EDDM13: variants seen among roughly 807,000 people sequenced by gnomAD.
EDDM13 encodes epididymal protein 13.
In EDDM13, 24 loss-of-function variants were observed where a neutral mutation model predicts 17.8. The ratio of observed to expected loss-of-function variants is 1.35; its 90% confidence interval spans 0.98 to 1.90. EDDM13 has a LOEUF of 1.90. EDDM13 is among the 40% of genes most tolerant of loss of function. The pLI, the probability that EDDM13 is intolerant of heterozygous loss-of-function variation, is 0.00. For synonymous variants in EDDM13, 31 were observed against 37.5 expected (o/e 0.83, Z 0.63); for missense variants, 97 against 100.8 (o/e 0.96, Z 0.16).
chr19:56,279,305 T>G (rs1296147821), intron 2 of EDDM13, among the ~76,000 whole-genome samples: 2 of 152,150 alleles, frequency 1.3e-5, no homozygotes, highest in Non-Finnish European at 2.9e-5. Context: ...CCTACTAGAC[T>G]GCAAGACTGT....
intron 14 of EDDM13, 101 bp downstream of exon 14, chr19:56,304,931 T>G: frequency 3.0e-6 from 1 of 330,882 alleles, no homozygotes; most frequent in East Asian, 1.7e-4. Context: ...CACAGGTGGA[T>G]TTGGAAGCTG....
chr19:56,275,123 G>A (rs1476557958), intron 1 of EDDM13, among the ~76,000 whole-genome samples: 1 of 152,164 alleles, frequency 6.6e-6, no homozygotes, highest in Non-Finnish European at 1.5e-5. Context: ...CTCGGCTAAG[G>A]TGGTGTCTGC....
At chr19:56,308,007 C>T (rs1481227301) in intron 14 of EDDM13, among the ~76,000 whole-genome samples, 1 of 152,172 alleles carries the variant, frequency 6.6e-6, no homozygotes, top group Admixed American at 6.5e-5. Flanking sequence ...TCTCTTGATC[C>T]CCCCACCCAC....
Position 56,301,970 on chromosome 19 carries a change from A to G in EDDM13, c.298A>G (p.Lys100Glu). 8.1e-7 allele frequency: 1 copy of G among 1,232,192 alleles called. No homozygotes were observed. The highest frequency in any genetic ancestry group is 1.0e-6 in the Non-Finnish European group (1 of 988,316). 76.3% of individuals were successfully genotyped at this position (1,232,192 alleles called of 1,614,324 possible). The change falls in exon 13 of 15, where the codon AAA becomes GAA. Residue 100 changes from lysine to glutamate, a missense_variant and splice_region_variant. Lys to Glu is a moderately conservative substitution (Grantham distance 56). Coordinates refer to ENST00000649256, the MANE Select transcript of EDDM13 (RefSeq NM_001354658.2). ...EETSGCKEEV[K>E]PFSGTTPSRK... Reference sequence around the variant, plus strand: ...ATCATCTCCACGGTTCTCTCCAGTTAAACCCTTCTCAGGCACCACCCCATC... The same window carrying G: ...ATCATCTCCACGGTTCTCTCCAGTTGAACCCTTCTCAGGCACCACCCCATC...
chr19:56,307,129 C>T (rs112309340), intron 14 of EDDM13, among the ~76,000 whole-genome samples: 971 of 92,394 alleles, frequency 0.011, 8 homozygotes, highest in African/African-American at 0.035. Context: ...CCTCCCTGGC[C>T]TCTCCCACGT....
At chr19:56,281,668 C>A in intron 2 of EDDM13, 25 bp from the exon 3 acceptor site, 1 of 984,856 alleles carries the variant, frequency 1.0e-6, no homozygotes, top group Non-Finnish European at 1.2e-6. Flanking sequence ...GATTCACTGG[C>A]TCCTGGCTCT....
chr19:56,279,349 A>G (rs1198737595), intron 2 of EDDM13, among the ~76,000 whole-genome samples: 1 of 152,134 alleles, frequency 6.6e-6, no homozygotes, highest in Non-Finnish European at 1.5e-5. Flanking sequence ...TACTTTACTC[A>G]ATCTGTTTAT....
intron 1 of EDDM13, among the ~76,000 whole-genome samples, chr19:56,274,016 C>T (rs1464947404): frequency 2.0e-5 from 3 of 151,924 alleles, no homozygotes; most frequent in Admixed American, 1.3e-4. Flanking sequence ...TAGAAGGTTA[C>T]GAGGCACTGA....
At position 56,284,168 on chromosome 19, in the gene EDDM13, T is replaced by C. The variant is rs950057875; in HGVS notation, c.119-30T>C. The C allele has an allele frequency of 1.0e-5, 10 of 985,400 alleles. No homozygotes were observed. The African/African-American group carries it at 1.6e-4, about 15-fold the overall frequency. The allele number at this position is 985,400 out of a possible 1,614,324, so 61.0% of individuals were successfully genotyped here. ...ACCACGCATGTAACCTTGGCCACCATGCTGACTCTCCTGGATGGGCTGCCA... is the reference window on the plus strand; with the variant it reads ...ACCACGCATGTAACCTTGGCCACCACGCTGACTCTCCTGGATGGGCTGCCA... On this transcript the variant is annotated intron_variant, in intron 4 of 14. Coordinates refer to ENST00000649256, the MANE Select transcript of EDDM13 (RefSeq NM_001354658.2).
chr19:56,307,857 T>G (rs1428248691), intron 14 of EDDM13, among the ~76,000 whole-genome samples: 3 of 152,252 alleles, frequency 2.0e-5, no homozygotes, highest in Non-Finnish European at 4.4e-5. Flanking sequence ...CAAACCTTTG[T>G]GGAATTCCTA....
At chr19:56,304,735 C>T in intron 13 of EDDM13, 58 bp from the exon 14 acceptor site, 1 of 969,078 alleles carries the variant, frequency 1.0e-6, no homozygotes, top group Non-Finnish European at 1.2e-6. Flanking sequence ...GGAAGGAATT[C>T]ACTCGCCTCA....
intron 9 of EDDM13, among the ~76,000 whole-genome samples, chr19:56,291,131 CA>C (rs2147154092): frequency 6.6e-6 from 1 of 152,284 alleles, no homozygotes; most frequent in East Asian, 1.9e-4. Context: ...CCCGAGCTCA[CA>C]GGACCGTTGC....
Position 56,288,857 on chromosome 19 carries a change from T to C in EDDM13, c.209-17T>C, listed in dbSNP as rs1285099024. On this transcript the variant is annotated splice_polypyrimidine_tract_variant and intron_variant, in intron 7 of 14. Coordinates refer to ENST00000649256, the MANE Select transcript of EDDM13 (RefSeq NM_001354658.2). The stretch of plus-strand genomic sequence containing the variant: ...CCCCTCCGTTGCAACCTGGGCTGCC[T>C]ACATTCTAGCCTCCAGATAGGACAG... 6.6e-6 allele frequency among the ~76,000 whole-genome samples: 1 copy of C among 152,202 alleles called. No individual in the cohort carries two copies. Among genetic ancestry groups the C allele is most frequent in the African/African-American group, 2.4e-5 (1 of 41,442 alleles).
intron 2 of EDDM13, among the ~76,000 whole-genome samples, 183 bp from the exon 3 acceptor site, chr19:56,281,510 T>C (rs2038704954): frequency 6.6e-6 from 1 of 152,160 alleles, no homozygotes; most frequent in Non-Finnish European, 1.5e-5. Flanking sequence ...ACAAACTACA[T>C]AAAAATAGCG....
At chr19:56,292,764 T>C (rs1217879411) in intron 9 of EDDM13, among the ~76,000 whole-genome samples, 2 of 152,314 alleles carry the variant, frequency 1.3e-5, no homozygotes, top group East Asian at 1.9e-4. Flanking sequence ...TTTCACTTTC[T>C]GTCTCTGCAA....
chr19:56,300,206 T>C (rs1477552644), intron 12 of EDDM13, among the ~76,000 whole-genome samples: 1 of 152,106 alleles, frequency 6.6e-6, no homozygotes, highest in African/African-American at 2.4e-5. Flanking sequence ...GAACATGATA[T>C]GCGAAGAGAC....
At chr19:56,292,403 C>T (rs1214598356) in intron 9 of EDDM13, among the ~76,000 whole-genome samples, 1 of 151,932 alleles carries the variant, frequency 6.6e-6, no homozygotes, top group Non-Finnish European at 1.5e-5. Flanking sequence ...ACTGGGACTA[C>T]AGGTGTGCAT....
At chr19:56,298,545 C>T (rs953962380) in intron 12 of EDDM13, among the ~76,000 whole-genome samples, 7 of 151,246 alleles carry the variant, frequency 4.6e-5, no homozygotes, top group African/African-American at 1.7e-4. Flanking sequence ...CCCAGCTACT[C>T]GGGAGGCTGA....
At chr19:56,296,690 T>G (rs763761465) in intron 11 of EDDM13, among the ~76,000 whole-genome samples, 2 of 152,166 alleles carry the variant, frequency 1.3e-5, no homozygotes, top group African/African-American at 2.4e-5. Flanking sequence ...AAGGCTATTA[T>G]GTCCTATGGA....
Sources: allele counts gnomAD v4.1 joint callset (sites outside exome capture counted in the v4.1 genomes callset), GRCh38; gene constraint gnomAD v4.1.1; transcripts MANE v1.5; gene names NCBI Gene and HGNC (gene_info 2026-07-23, HGNC 2026-07-21).